Variants in ZMYND8 observed in about 807,000 individuals in gnomAD.
ZMYND8 encodes the protein zinc finger MYND-type containing 8, also known as MYND-type zinc finger-containing chromatin reader ZMYND8.
A neutral mutation model predicts 140.8 loss-of-function variants in ZMYND8; 37 were observed. The observed-to-expected ratio is 0.26, with a 90% CI of 0.20 to 0.35. The LOEUF (loss-of-function observed/expected upper bound fraction) is 0.35, where lower values mean the gene tolerates loss of function less well. ZMYND8 is among the 10% of genes least tolerant of loss of function. ZMYND8 has a pLI of 1.00. For missense variants in ZMYND8, 1,068 were observed against 1,570.0 expected (o/e 0.68, Z 5.40); for synonymous variants, 592 against 597.1 (o/e 0.99, Z 0.12).
intron 11 of ZMYND8, 119 bp from the exon 12 acceptor site, chr20:47,262,547 C>T: frequency 7.3e-7 from 1 of 1,378,662 alleles, no homozygotes; most frequent in Non-Finnish European, 9.9e-7. Context: ...AGCAAGGCCG[C>T]TACAGTATCA....
chr20:47,276,448 A>G lies in ZMYND8; in HGVS notation c.1346T>C (p.Met449Thr), dbSNP rs2076265289. Residue 449 changes from methionine to threonine, a missense_variant, in exon 11 of 23, where the codon ATG becomes ACG. By Grantham distance (81) the Met-to-Thr change is moderately conservative. Transcript: ENST00000471951. ...GTTTGTGCTCATGGGGGAGCGCGGC[A>G]TATCCGACAAGGAAATCCGGCGGCC... ...GTGRRISLSD[M>T]PRSPMSTNSS... The G allele has an allele frequency of 8.7e-6, 14 of 1,613,970 alleles. No individual in the cohort carries two copies. Among genetic ancestry groups the G allele is most frequent in the African/African-American group, 1.3e-5 (1 of 74,976 alleles).
chr20:47,267,840 C>T (rs1289860078), intron 11 of ZMYND8, among the ~76,000 whole-genome samples: 1 of 152,200 alleles, frequency 6.6e-6, no homozygotes, highest in Admixed American at 6.5e-5. Context: ...GCCTGAGGTT[C>T]CCAAGGGAAG....
chr20:47,240,302 G>C (rs1258237625), intron 14 of ZMYND8, among the ~76,000 whole-genome samples: 1 of 151,980 alleles, frequency 6.6e-6, no homozygotes, highest in Non-Finnish European at 1.5e-5. Flanking sequence ...ATCACTTGTG[G>C]TCAGGAGTTC....
At chr20:47,302,032 C>T (rs571674793) in intron 3 of ZMYND8, among the ~76,000 whole-genome samples, 3 of 152,294 alleles carry the variant, frequency 2.0e-5, no homozygotes, top group South Asian at 4.1e-4. Flanking sequence ...CCCTCCCCAC[C>T]TTGATTGTAA....
chr20:47,310,343 T>A lies in ZMYND8; in HGVS notation c.86-139A>T. On this transcript the variant is annotated intron_variant, in intron 2 of 22. Transcript: ENST00000471951. ...CCCGAAGCCACTTCAGTGTTCCTCC[T>A]CCCAGAATATACGTGCCCCCTTCTT... 5.4e-6 allele frequency: 5 copies of A among 927,130 alleles called. No individual in the cohort carries two copies. In the South Asian group the frequency reaches 9.3e-5, roughly 17 times the overall value. The allele number at this position is 927,130 out of a possible 1,614,324, so 57.4% of individuals were successfully genotyped here.
At chr20:47,223,873 C>G (rs55923015) in intron 19 of ZMYND8, among the ~76,000 whole-genome samples, 2 of 151,898 alleles carry the variant, frequency 1.3e-5, no homozygotes, top group Non-Finnish European at 2.9e-5. Flanking sequence ...GTGCTTCCTG[C>G]TGGAAGCTCT....
chr20:47,297,983 C>T lies in ZMYND8; in HGVS notation c.453+746G>A, dbSNP rs6090660. On this transcript the variant is annotated intron_variant, in intron 4 of 22. Coordinates refer to ENST00000471951, the MANE Select transcript of ZMYND8 (RefSeq NM_001281775.3). ...TGCCTGGAAGTTGTCCCCCAAATGG[C>T]TGCATGGCTCACTCCTCTCTTTCAT... Among the ~76,000 whole-genome samples, 577 of 152,296 alleles carry T rather than the reference C, an allele frequency of 3.8e-3. 8 individuals are homozygous for T. Among genetic ancestry groups the T allele is most frequent in the African/African-American group, 0.013 (555 of 41,574 alleles).
At chr20:47,349,786 G>A (rs74902786) in intron 1 of ZMYND8, 8 of 1,520,830 alleles carry the variant, frequency 5.3e-6, no homozygotes, top group East Asian at 2.5e-5. Flanking sequence ...TAGAGAAAAC[G>A]CTAATCTGTG....
intron 16 of ZMYND8, among the ~76,000 whole-genome samples, chr20:47,230,030 C>T (rs1489578441): frequency 2.6e-5 from 4 of 152,146 alleles, no homozygotes; most frequent in African/African-American, 9.7e-5. Flanking sequence ...TGCTAAACTT[C>T]CTACCTGAAC....
At chr20:47,216,495 C>CAAAAAAAAAAAAAAA (rs10536216) in intron 21 of ZMYND8, among the ~76,000 whole-genome samples, 4 of 59,440 alleles carry the variant, frequency 6.7e-5, no homozygotes, top group African/African-American at 1.2e-4. Flanking sequence ...GACTCTGTCT[C>CAAAAAAAAAAAAAAA]AAAAAAAAAA....
At chr20:47,231,014 AT>A (rs3091784) in intron 16 of ZMYND8, among the ~76,000 whole-genome samples, 17,507 of 152,134 alleles carry the variant, frequency 0.12, 1,138 homozygotes, top group South Asian at 0.16. Flanking sequence ...TTTATAGTCC[AT>A]TTTACAGATA....
intron 9 of ZMYND8, among the ~76,000 whole-genome samples, chr20:47,282,903 AG>A (rs1289084033): frequency 1.3e-5 from 2 of 152,164 alleles, no homozygotes; most frequent in Non-Finnish European, 2.9e-5. Flanking sequence ...GCATCTAATA[AG>A]GGGCAGTATT....
chr20:47,326,050 C>G (rs915896639), intron 2 of ZMYND8, among the ~76,000 whole-genome samples: 1 of 152,162 alleles, frequency 6.6e-6, no homozygotes, highest in African/African-American at 2.4e-5. Context: ...CTCTGCCTCC[C>G]AAGTTCAAGC....
At chr20:47,350,370 A>G (rs2082680583) in intron 1 of ZMYND8, among the ~76,000 whole-genome samples, 1 of 151,776 alleles carries the variant, frequency 6.6e-6, no homozygotes, top group Admixed American at 6.6e-5. Context: ...TACAAAAGCA[A>G]AGACCAGAAT....
In ZMYND8 at chr20:47,239,133, C is replaced by G; in HGVS notation, c.2290G>C (p.Gly764Arg). Residue 764 changes from glycine to arginine, a missense_variant, in exon 15 of 23, where the codon GGT (glycine) becomes CGT (arginine). By Grantham distance (125) the Gly-to-Arg change is moderately radical. Coordinates refer to ENST00000471951, the MANE Select transcript of ZMYND8 (RefSeq NM_001281775.3). ...KEPSPKQDVVGKTPPSTTVGS... is the reference protein window; with the variant it reads ...KEPSPKQDVVRKTPPSTTVGS... ...ACCGTCGTGGATGGTGGAGTTTTACCTACAACTAGCCAATGCATGAAGAAA... is the reference window on the plus strand; with the variant it reads ...ACCGTCGTGGATGGTGGAGTTTTACGTACAACTAGCCAATGCATGAAGAAA... 6.7e-7 allele frequency: 1 copy of G among 1,496,486 alleles called. No individual in the cohort carries two copies. Among genetic ancestry groups the G allele is most frequent in the Non-Finnish European group, 8.9e-7 (1 of 1,128,662 alleles). The allele number at this position is 1,496,486 out of a possible 1,614,324, so 92.7% of individuals were successfully genotyped here. A position where few individuals can be genotyped will look rare whatever the true frequency, so the allele number is the denominator to read the frequency against.
intron 7 of ZMYND8, 45 bp from the exon 8 acceptor site, chr20:47,287,329 A>C (rs773815370): frequency 6.6e-7 from 1 of 1,517,350 alleles, no homozygotes; most frequent in Non-Finnish European, 9.2e-7. Flanking sequence ...GAAATACCGC[A>C]ACACCGGGCC....
intron 4 of ZMYND8, 109 bp from the exon 5 acceptor site, chr20:47,294,888 C>A (rs1401968386): frequency 3.2e-6 from 3 of 942,220 alleles, no homozygotes; most frequent in Admixed American, 2.1e-5. Flanking sequence ...CAATTCTCAT[C>A]CCAATGAGAC....
chr20:47,279,372 A>G (rs1465944762), intron 10 of ZMYND8, among the ~76,000 whole-genome samples: 1 of 152,142 alleles, frequency 6.6e-6, no homozygotes, highest in African/African-American at 2.4e-5. Context: ...CAGGAGGCAG[A>G]GGTGGGAGAA....
chr20:47,325,201 G>A (rs915131855), intron 2 of ZMYND8, among the ~76,000 whole-genome samples: 3 of 152,114 alleles, frequency 2.0e-5, no homozygotes, highest in African/African-American at 4.8e-5. Context: ...CACCACACCT[G>A]GCCCATAGTT....
Sources: gnomAD v4.1 joint callset for allele counts (sites outside exome capture counted in the v4.1 genomes callset) on GRCh38, gnomAD v4.1.1 for gene constraint, MANE v1.5 for transcripts, NCBI Gene and HGNC (gene_info 2026-07-23, HGNC 2026-07-21) for gene names.